ST6GALNAC3: variants seen among roughly 807,000 people sequenced by gnomAD.
The protein encoded by ST6GALNAC3 is ST6 N-acetylgalactosaminide alpha-2,6-sialyltransferase 3.
ST6GALNAC3 carries 25 observed loss-of-function variants against 32.7 expected under a neutral mutation model. The ratio of observed to expected loss-of-function variants is 0.76; its 90% CI spans 0.56 to 1.07. The LOEUF (loss-of-function observed/expected upper bound fraction) is 1.07, where lower values mean the gene tolerates loss of function less well. Ranked by LOEUF, ST6GALNAC3 falls within the 50% of genes least tolerant of loss-of-function variation. The pLI, the probability that ST6GALNAC3 is intolerant of heterozygous loss-of-function variation, is 0.00. For missense variants in ST6GALNAC3, 355 were observed against 382.4 expected (o/e 0.93, Z 0.60); for synonymous variants, 129 against 133.1 (o/e 0.97, Z 0.21).
intron 1 of ST6GALNAC3, among the ~76,000 whole-genome samples, chr1:76,253,113 A>G (rs1199407779): frequency 6.6e-6 from 1 of 152,178 alleles, no homozygotes; most frequent in Non-Finnish European, 1.5e-5. Context: ...ACAAAAATAT[A>G]GACATACACA....
intron 1 of ST6GALNAC3, among the ~76,000 whole-genome samples, chr1:76,281,905 G>A (rs185164167): frequency 1.3e-5 from 2 of 152,270 alleles, no homozygotes; most frequent in African/African-American, 4.8e-5. Context: ...CAGGTGCTGG[G>A]TGCTGTAGTG....
chr1:76,157,289 A>G (rs1048179024), intron 1 of ST6GALNAC3, among the ~76,000 whole-genome samples: 1 of 152,194 alleles, frequency 6.6e-6, no homozygotes, highest in Non-Finnish European at 1.5e-5. Context: ...GCTCTAAGCC[A>G]TTATCACGTG....
intron 1 of ST6GALNAC3, among the ~76,000 whole-genome samples, chr1:76,158,619 C>T (rs1244666745): frequency 6.6e-6 from 1 of 152,130 alleles, no homozygotes; most frequent in East Asian, 1.9e-4. Flanking sequence ...GTAAAATCAG[C>T]CCCTCTTGGC....
chr1:76,335,429 G>GAA (rs1647383021), intron 2 of ST6GALNAC3, among the ~76,000 whole-genome samples: 1 of 73,020 alleles, frequency 1.4e-5, no homozygotes, highest in Non-Finnish European at 2.8e-5. Context: ...TCATCACAGG[G>GAA]AACACACACA....
intron 1 of ST6GALNAC3, among the ~76,000 whole-genome samples, chr1:76,086,661 G>A (rs772998832): frequency 6.6e-6 from 1 of 152,150 alleles, no homozygotes; most frequent in Non-Finnish European, 1.5e-5. Context: ...CCAAGAGAAG[G>A]GAAGCTTGGT....
intron 2 of ST6GALNAC3, among the ~76,000 whole-genome samples, chr1:76,367,092 G>T: frequency 6.6e-6 from 1 of 152,100 alleles, no homozygotes; most frequent in East Asian, 1.9e-4. Flanking sequence ...GCAATACCAG[G>T]CTAATCCCTT....
chr1:76,102,006 A>G (rs1259717144), intron 1 of ST6GALNAC3, among the ~76,000 whole-genome samples: 1 of 151,950 alleles, frequency 6.6e-6, no homozygotes, highest in East Asian at 1.9e-4. Flanking sequence ...TTTGCTGTTT[A>G]TGTTCTTCAG....
rs149636239 is a variant in ST6GALNAC3, at chr1:76,412,156, G to A, written c.362G>A (p.Arg121His). The A allele has an allele frequency of 2.9e-5, 46 of 1,613,510 alleles. No individual in the cohort carries two copies. The highest frequency in any genetic ancestry group is 1.1e-4 in the African/African-American group (8 of 74,858). The change falls in exon 3 of 5, where the codon CGC (arginine) becomes CAC (histidine). Residue 121 changes from arginine to histidine, a missense_variant. Physicochemically the swap from Arg to His is conservative, Grantham distance 29. Transcript: ENST00000328299. Reference protein sequence around the residue: ...PTKGYEEDVGRMTMIRVVSHT... With the variant: ...PTKGYEEDVGHMTMIRVVSHT... ...AAAGGTTATGAAGAAGATGTCGGCC[G>A]CATGACCATGATTCGAGTTGTGTCC... is the stretch of plus-strand genomic sequence containing the variant.
intron 1 of ST6GALNAC3, among the ~76,000 whole-genome samples, chr1:76,262,035 G>A (rs565944843): frequency 3.3e-4 from 50 of 152,228 alleles, no homozygotes; most frequent in African/African-American, 9.9e-4. Flanking sequence ...TTCATTTGCC[G>A]AAACCATGTA....
intron 1 of ST6GALNAC3, 84 bp downstream of exon 1, chr1:76,074,968 G>C: frequency 6.7e-7 from 1 of 1,498,676 alleles, no homozygotes; most frequent in Non-Finnish European, 9.1e-7. Flanking sequence ...CGGTCCCACC[G>C]CATCCTCATC....
At chr1:76,194,614 A>G (rs532768322) in intron 1 of ST6GALNAC3, among the ~76,000 whole-genome samples, 1 of 152,336 alleles carries the variant, frequency 6.6e-6, no homozygotes, top group Admixed American at 6.5e-5. Flanking sequence ...GTCTGTCTTA[A>G]GAGAAGACAT....
chr1:76,157,045 T>G (rs1294411496), intron 1 of ST6GALNAC3, among the ~76,000 whole-genome samples: 1 of 150,830 alleles, frequency 6.6e-6, no homozygotes, highest in Non-Finnish European at 1.5e-5. Flanking sequence ...CTGGCTCCTT[T>G]TATTGGAGGG....
intron 3 of ST6GALNAC3, among the ~76,000 whole-genome samples, chr1:76,487,797 G>T (rs1660224755): frequency 6.6e-6 from 1 of 152,128 alleles, no homozygotes. Flanking sequence ...GAGGGGGAGA[G>T]GCACTCTGAT....
At chr1:76,577,991 G>A (rs745480136) in intron 3 of ST6GALNAC3, among the ~76,000 whole-genome samples, 5 of 151,970 alleles carry the variant, frequency 3.3e-5, no homozygotes, top group Non-Finnish European at 7.4e-5. Context: ...CAGCAGATGG[G>A]GACTTGATAA....
At chr1:76,466,586 G>T (rs769122444) in intron 3 of ST6GALNAC3, among the ~76,000 whole-genome samples, 17 of 152,074 alleles carry the variant, frequency 1.1e-4, no homozygotes, top group Non-Finnish European at 2.4e-4. Context: ...AATACATCAA[G>T]TGTTAATATA....
chr1:76,437,142 G>A (rs1417820645), intron 3 of ST6GALNAC3, among the ~76,000 whole-genome samples: 1 of 151,984 alleles, frequency 6.6e-6, no homozygotes, highest in Admixed American at 6.6e-5. Context: ...ACAAAATAAG[G>A]GCTTCTTCTT....
rs539546809 is a variant in ST6GALNAC3, at chr1:76,350,238, G to A, written c.213+36239G>A. ...AACGGGGTCTCCCTATGTTGCCCAG[G>A]CTGGTCTTGAACTCCTGGGCTTGAG... On this transcript the variant is annotated intron_variant, in intron 2 of 4. Transcript: ENST00000328299. Among the ~76,000 whole-genome samples, 238 of 152,062 alleles carry A rather than the reference G, an allele frequency of 1.6e-3. 3 individuals are homozygous for A. The highest frequency in any genetic ancestry group is 5.5e-3 in the African/African-American group (230 of 41,504).
rs117236083 is a variant in ST6GALNAC3, at chr1:76,305,780, A to G, written c.19-8025A>G. On this transcript the variant is annotated intron_variant, in intron 1 of 4. Coordinates refer to ENST00000328299, the MANE Select transcript of ST6GALNAC3 (RefSeq NM_152996.4). ...CAGAGGATGAAGTTTAATGAGTGTT[A>G]TCAGTTAGAGAATTATTTATATAAT... 1.4e-5 allele frequency: 6 copies of G among 416,058 alleles called. No homozygotes were observed. The East Asian group carries it at 2.5e-4, about 17-fold the overall frequency. The allele number at this position is 416,058 out of a possible 1,614,324, so 25.8% of individuals were successfully genotyped here. A position where few individuals can be genotyped will look rare whatever the true frequency, so the allele number is the denominator to read the frequency against.
At chr1:76,477,379 G>T (rs1283617201) in intron 3 of ST6GALNAC3, among the ~76,000 whole-genome samples, 1 of 152,094 alleles carries the variant, frequency 6.6e-6, no homozygotes, top group Non-Finnish European at 1.5e-5. Context: ...TGAGGTCCTG[G>T]CCCCAGGCCC....
Sources: allele counts gnomAD v4.1 joint callset (sites outside exome capture counted in the v4.1 genomes callset), GRCh38; gene constraint gnomAD v4.1.1; transcripts MANE v1.5; gene names NCBI Gene and HGNC (gene_info 2026-07-23, HGNC 2026-07-21).